The following SHOX variants were observed in gnomAD, a reference collection of about 807,000 sequenced individuals.
The protein encoded by SHOX is short stature homeobox protein.
Under a neutral mutation model 29.6 loss-of-function variants are expected in SHOX, and 12 were observed. That is an observed-to-expected ratio of 0.41 (90% CI 0.26 to 0.66). The LOEUF (loss-of-function observed/expected upper bound fraction) is 0.66, where lower values mean the gene tolerates loss of function less well. SHOX is among the 30% of genes least tolerant of loss of function. SHOX has a pLI of 0.35. For missense variants in SHOX, 499 were observed against 437.7 expected (o/e 1.14, Z -1.25); for synonymous variants, 214 against 200.6 (o/e 1.07, Z -0.57).
Position 630,979 on chromosome X carries a change from G to A in SHOX, c.82G>A (p.Gly28Ser), listed in dbSNP as rs1170526645. 2 of 1,613,748 alleles carry A rather than the reference G, an allele frequency of 1.2e-6. No individual in the cohort carries two copies. The highest frequency in any genetic ancestry group is 2.7e-5 in the African/African-American group (2 of 74,914). Residue 28 changes from glycine to serine, a missense_variant, in exon 1 of 5, where the codon GGT becomes AGT. By Grantham distance (56) the Gly-to-Ser change is moderately conservative (BLOSUM62 0). Coordinates refer to ENST00000686671, the MANE Select transcript of SHOX (RefSeq NM_000451.4). Reference sequence around the variant, plus strand: ...TAACGGCGGAGGCGGAGGCGGCGGAGGTAAGAAGGATTCCATTACGTACCG... The same window carrying A: ...TAACGGCGGAGGCGGAGGCGGCGGAAGTAAGAAGGATTCCATTACGTACCG... Reference protein sequence around the residue: ...DGNGGGGGGGGKKDSITYREV... With the variant: ...DGNGGGGGGGSKKDSITYREV...
chrX:626,463 C>G (rs1207375352), upstream of SHOX, among the ~76,000 whole-genome samples: 1 of 133,054 alleles, frequency 7.5e-6, no homozygotes, highest in Non-Finnish European at 1.6e-5. Context: ...CTCTGTATCT[C>G]TGTCTATCTC....
chrX:644,169 C>A (rs2052920073), intron 4 of SHOX, among the ~76,000 whole-genome samples: 1 of 152,136 alleles, frequency 6.6e-6, no homozygotes, highest in Admixed American at 6.5e-5. Context: ...GGGAGCTGTT[C>A]GGATTCCCCT....
rs1318947960 is a variant in SHOX at position 634,719 on chromosome X, G to A, written c.379G>A (p.Glu127Lys). The change falls in exon 2 of 5, where the codon GAG becomes AAG. Residue 127 changes from glutamate to lysine, a missense_variant. By Grantham distance (56) the Glu-to-Lys change is moderately conservative. Coordinates refer to ENST00000686671, the MANE Select transcript of SHOX (RefSeq NM_000451.4). Reference sequence around the variant, plus strand: ...GCGCAGCCGCACCAACTTCACGCTGGAGCAGCTGAACGAGCTCGAGCGACT... The same window carrying A: ...GCGCAGCCGCACCAACTTCACGCTGAAGCAGCTGAACGAGCTCGAGCGACT... The part of the protein sequence containing the change: ...QRRSRTNFTL[E>K]QLNELERLFD... 1 of 1,613,684 alleles carries A rather than the reference G, an allele frequency of 6.2e-7. No homozygotes were observed. Among genetic ancestry groups the A allele is most frequent in the Non-Finnish European group, 8.5e-7 (1 of 1,179,820 alleles).
upstream of SHOX, among the ~76,000 whole-genome samples, chrX:627,247 G>C (rs1267079923): frequency 6.6e-6 from 1 of 152,144 alleles, no homozygotes; most frequent in Non-Finnish European, 1.5e-5. Context: ...CTGGAGCTGC[G>C]GCCTCTCGGA....
At chrX:626,336 G>C (rs1423230835), upstream of SHOX, among the ~76,000 whole-genome samples, 1 of 115,540 alleles carries the variant, frequency 8.7e-6, no homozygotes, top group Non-Finnish European at 1.8e-5. Context: ...GTCTCTGTCT[G>C]TATCTCTGTC....
intron 4 of SHOX, 147 bp from the exon 5 acceptor site, chrX:644,244 G>A (rs1468998687): frequency 1.9e-5 from 20 of 1,050,876 alleles, no homozygotes; most frequent in Non-Finnish European, 1.3e-6. Context: ...AGGAGGAAAG[G>A]CGGGTGTGGG....
In SHOX at chrX:650,883, G is replaced by A. The variant is rs1382652365; in HGVS notation, c.*6247G>A. Among the ~76,000 whole-genome samples the A allele has an allele frequency of 1.3e-5, 2 of 149,332 alleles. No individual in the cohort carries two copies. Among genetic ancestry groups the A allele is most frequent in the Admixed American group, 1.3e-4 (2 of 14,864 alleles). The stretch of plus-strand genomic sequence containing the variant: ...TATATGCTGATATTCTTCGACACAC[G>A]TGGGTAAGTTGATGCCATTTATAAA... On this transcript the variant is annotated 3_prime_UTR_variant, in exon 5 of 5. Coordinates refer to ENST00000686671, the MANE Select transcript of SHOX (RefSeq NM_000451.4).
At chrX:638,703 G>C (rs1359414684) in intron 2 of SHOX, among the ~76,000 whole-genome samples, 2 of 152,094 alleles carry the variant, frequency 1.3e-5, no homozygotes, top group Non-Finnish European at 2.9e-5. Flanking sequence ...ACTCCTGGCT[G>C]CTCCCAAACT....
chrX:624,619 A>T (rs991097824), intron 1 of SHOX: 1 of 151,488 alleles, frequency 6.6e-6, no homozygotes, highest in African/African-American at 2.4e-5. Context: ...TCGGTTTTGG[A>T]ACTTTCCTTT....
chrX:626,522 C>T (rs1453823581), upstream of SHOX, among the ~76,000 whole-genome samples: 3 of 75,334 alleles, frequency 4.0e-5, no homozygotes, highest in African/African-American at 1.2e-4. Context: ...TTCTCTGTCT[C>T]TCTCTGTGTC....
At chrX:658,687 G>T (rs748879804) in intron 5 of SHOX, 13 of 231,036 alleles carry the variant, frequency 5.6e-5, no homozygotes, top group Non-Finnish European at 3.6e-5. Flanking sequence ...AGCCAGGAAG[G>T]TCTCGATCTC....
upstream of SHOX, among the ~76,000 whole-genome samples, chrX:628,225 C>G (rs1295643768): frequency 5.6e-5 from 7 of 124,234 alleles, no homozygotes; most frequent in African/African-American, 8.9e-5. Context: ...CCGTGTCGCT[C>G]TTTCTCTCTC....
At chrX:636,129 GTC>G (rs2052742243) in intron 2 of SHOX, among the ~76,000 whole-genome samples, 4 of 149,596 alleles carry the variant, frequency 2.7e-5, no homozygotes, top group South Asian at 4.2e-4. Flanking sequence ...TTATATGTGT[GTC>G]TCTATATATA....
chrX:635,844 G>C (rs1232220677), intron 2 of SHOX, among the ~76,000 whole-genome samples: 1 of 125,836 alleles, frequency 7.9e-6, no homozygotes, highest in Non-Finnish European at 1.7e-5. Context: ...GGGCAGGACA[G>C]AAGTGGGGGG....
chrX:655,434 TTC>T (rs2053123615), downstream of SHOX, among the ~76,000 whole-genome samples: 2 of 149,778 alleles, frequency 1.3e-5, no homozygotes, highest in Admixed American at 1.3e-4. Flanking sequence ...GTGAGACCTT[TTC>T]TCTCCAAAAA....
At chrX:641,904 C>G (rs1365709982) in intron 4 of SHOX, among the ~76,000 whole-genome samples, 1 of 152,140 alleles carries the variant, frequency 6.6e-6, no homozygotes, top group Non-Finnish European at 1.5e-5. Context: ...TCACCACCCC[C>G]GAGTGCCCGA....
At chrX:629,544 C>T (rs189672674), upstream of SHOX, among the ~76,000 whole-genome samples, 498 of 149,770 alleles carry the variant, frequency 3.3e-3, 3 homozygotes, top group Admixed American at 0.021. Flanking sequence ...TCCATCTCCC[C>T]GTCTCTCCGT....
In SHOX at chrX:644,326, G is replaced by A. The variant is rs899811694; in HGVS notation, c.634-65G>A. 6.9e-6 allele frequency: 10 copies of A among 1,452,286 alleles called. No individual in the cohort carries two copies. The African/African-American group carries it at 1.0e-4, about 15-fold the overall frequency. The allele number at this position is 1,452,286 out of a possible 1,614,324, so 90.0% of individuals were successfully genotyped here. ...AGGCACGTTGGAGGTTTCCGGGGGC[G>A]CGGGGCGGAGCAGGCCCCCCAGTCC... On this transcript the variant is annotated intron_variant, in intron 4 of 4. Coordinates refer to ENST00000686671, the MANE Select transcript of SHOX (RefSeq NM_000451.4).
chrX:629,850 C>G (rs1357629960), upstream of SHOX, among the ~76,000 whole-genome samples: 1 of 152,170 alleles, frequency 6.6e-6, no homozygotes, highest in Non-Finnish European at 1.5e-5. Flanking sequence ...TGGCGAGCAC[C>G]GGCTTCCCCT....
Sources: gnomAD v4.1 joint callset for allele counts (sites outside exome capture counted in the v4.1 genomes callset) on GRCh38, gnomAD v4.1.1 for gene constraint, MANE v1.5 for transcripts, NCBI Gene and HGNC (gene_info 2026-07-23, HGNC 2026-07-21) for gene names.